FHIT: variants seen among roughly 807,000 people sequenced by gnomAD.
FHIT encodes bis(5'-adenosyl)-triphosphatase.
Under a neutral mutation model 17.9 loss-of-function variants are expected in FHIT, and 19 were observed. That is an observed-to-expected ratio of 1.06 (90% CI 0.74 to 1.56). FHIT has a LOEUF of 1.56. Among genes scored for constraint, FHIT ranks in the 40% most tolerant of loss-of-function variants. The pLI is 0.00. For missense variants in FHIT, 248 were observed against 189.2 expected, an observed-to-expected ratio of 1.31 and a Z score of -1.82; for synonymous variants, 81 against 69.7, an observed-to-expected ratio of 1.16 and a Z score of -0.81.
In FHIT at chr3:60,441,796, A is replaced by ATCTGTATATGTGTGTGTGTG. The variant is rs1231842131; in HGVS notation, c.103+95063_103+95064insCACACACACACATATACAGA. 3.0e-5 allele frequency among the ~76,000 whole-genome samples: 2 copies of ATCTGTATATGTGTGTGTGTG among 66,086 alleles called. 1 individual carries two copies. The highest frequency in any genetic ancestry group is 3.9e-4 in the Admixed American group (2 of 5,152). The allele number at this position is 66,086 out of a possible 152,430, so 43.4% of individuals were successfully genotyped here. A position where few individuals can be genotyped will look rare whatever the true frequency, so the allele number is the denominator to read the frequency against. On this transcript the variant is annotated intron_variant, in intron 5 of 9. Coordinates refer to ENST00000492590, the MANE Select transcript of FHIT (RefSeq NM_002012.4). ...TATATGTATAAAAATATATATATAT[A>ATCTGTATATGTGTGTGTGTG]TATATATATATATATATATCAGGTC...
chr3:60,945,841 G>A (rs1553775656), intron 3 of FHIT, among the ~76,000 whole-genome samples: 1 of 152,182 alleles, frequency 6.6e-6, no homozygotes, highest in African/African-American at 2.4e-5. Flanking sequence ...GGCCATTGGA[G>A]AGTTGAGGTA....
chr3:60,494,480 A>C (rs2034208943), intron 5 of FHIT, among the ~76,000 whole-genome samples: 1 of 152,196 alleles, frequency 6.6e-6, no homozygotes, highest in Admixed American at 6.5e-5. Context: ...CAATCAAATT[A>C]TACTCTTAGT....
chr3:60,894,965 C>A (rs1705712611), intron 3 of FHIT, among the ~76,000 whole-genome samples: 1 of 152,190 alleles, frequency 6.6e-6, no homozygotes, highest in Admixed American at 6.5e-5. Context: ...TGATCAAAAT[C>A]AGGGACTTTA....
At chr3:60,658,303 T>G (rs955388848) in intron 4 of FHIT, among the ~76,000 whole-genome samples, 1 of 152,182 alleles carries the variant, frequency 6.6e-6, no homozygotes, top group African/African-American at 2.4e-5. Context: ...AAGGAGGGAC[T>G]TCCTTCTGTC....
chr3:60,221,467 G>A lies in FHIT; in HGVS notation c.104-207315C>T, dbSNP rs140489979. On this transcript the variant is annotated intron_variant, in intron 5 of 9. Coordinates refer to ENST00000492590, the MANE Select transcript of FHIT (RefSeq NM_002012.4). ...GCCCATTCTCCAGTCAGCAACTATA[G>A]ACATCTGTGAAAATATCAGATCGTA... Among the ~76,000 whole-genome samples, 497 of 152,206 alleles carry A rather than the reference G, an allele frequency of 3.3e-3. 4 individuals are homozygous for A. The highest frequency in any genetic ancestry group is 0.011 in the African/African-American group (472 of 41,516).
intron 5 of FHIT, among the ~76,000 whole-genome samples, chr3:60,105,110 C>A (rs376615073): frequency 3.6e-4 from 55 of 152,266 alleles, no homozygotes; most frequent in African/African-American, 1.2e-3. Flanking sequence ...ATCACTCATT[C>A]TATTTCCCCT....
intron 5 of FHIT, among the ~76,000 whole-genome samples, chr3:60,151,125 A>G (rs1205853862): frequency 6.6e-6 from 1 of 152,172 alleles, no homozygotes; most frequent in Non-Finnish European, 1.5e-5. Flanking sequence ...ACTCTGATGT[A>G]AAAGACTGGA....
intron 4 of FHIT, among the ~76,000 whole-genome samples, chr3:60,565,708 C>G (rs983118569): frequency 2.6e-5 from 4 of 152,176 alleles, no homozygotes; most frequent in Admixed American, 2.6e-4. Flanking sequence ...TTTCAAAAAA[C>G]CAGCTCCTGG....
intron 5 of FHIT, among the ~76,000 whole-genome samples, chr3:60,437,775 C>A (rs1322510381): frequency 6.6e-6 from 1 of 151,990 alleles, no homozygotes; most frequent in East Asian, 1.9e-4. Flanking sequence ...CAATCAACAT[C>A]TAAATTCAGG....
At chr3:59,968,174 C>A (rs79788404) in intron 7 of FHIT, among the ~76,000 whole-genome samples, 39 of 152,176 alleles carry the variant, frequency 2.6e-4, no homozygotes, top group South Asian at 8.3e-4. Context: ...CTTTAGAAGG[C>A]AAACTTTCTT....
At chr3:60,878,934 G>A (rs1553757246) in intron 3 of FHIT, among the ~76,000 whole-genome samples, 2 of 152,152 alleles carry the variant, frequency 1.3e-5, no homozygotes, top group East Asian at 3.9e-4. Context: ...ATTGTGAATA[G>A]TGCCGCAATA....
intron 5 of FHIT, among the ~76,000 whole-genome samples, chr3:60,312,629 C>G (rs532469539): frequency 1.3e-5 from 2 of 152,212 alleles, no homozygotes; most frequent in East Asian, 3.9e-4. Context: ...TCTGCATTTC[C>G]AATAGGTTCC....
intron 5 of FHIT, among the ~76,000 whole-genome samples, chr3:60,250,989 C>G (rs952709857): frequency 2.0e-5 from 3 of 152,172 alleles, no homozygotes; most frequent in Admixed American, 6.5e-5. Context: ...GCTGGGCATC[C>G]TTTACCCACG....
intron 4 of FHIT, among the ~76,000 whole-genome samples, chr3:60,645,379 T>G (rs1477311479): frequency 6.6e-6 from 1 of 151,982 alleles, no homozygotes; most frequent in African/African-American, 2.4e-5. Flanking sequence ...CCTCTAAACT[T>G]CCCAGGCTTG....
intron 5 of FHIT, among the ~76,000 whole-genome samples, chr3:60,357,580 G>A (rs1407223371): frequency 2.0e-5 from 3 of 152,182 alleles, no homozygotes; most frequent in African/African-American, 7.2e-5. Context: ...CACATTAAAT[G>A]ATGATTTCTT....
chr3:60,491,522 A>C (rs2034066471), intron 5 of FHIT, among the ~76,000 whole-genome samples: 1 of 152,242 alleles, frequency 6.6e-6, no homozygotes, highest in African/African-American at 2.4e-5. Context: ...TATTATCTTC[A>C]GCCACAGCCA....
At chr3:60,998,057 T>C (rs1218173217) in intron 3 of FHIT, among the ~76,000 whole-genome samples, 2 of 152,140 alleles carry the variant, frequency 1.3e-5, no homozygotes, top group Non-Finnish European at 2.9e-5. Context: ...ATGAAGAAAC[T>C]CAGGCTGAAA....
intron 2 of FHIT, among the ~76,000 whole-genome samples, chr3:61,052,470 A>G (rs1200915234): frequency 2.0e-5 from 3 of 152,230 alleles, no homozygotes; most frequent in Non-Finnish European, 4.4e-5. Flanking sequence ...CAAGTGTTAC[A>G]TGAATGAACT....
intron 3 of FHIT, among the ~76,000 whole-genome samples, chr3:60,866,415 T>C (rs559707565): frequency 9.9e-5 from 15 of 152,184 alleles, no homozygotes; most frequent in African/African-American, 3.6e-4. Flanking sequence ...CAGTCACCAT[T>C]CTATGAAGTT....
Sources: gnomAD v4.1 joint callset for allele counts (sites outside exome capture counted in the v4.1 genomes callset) on GRCh38, gnomAD v4.1.1 for gene constraint, MANE v1.5 for transcripts, NCBI Gene and HGNC (gene_info 2026-07-23, HGNC 2026-07-21) for gene names.